PFKFB3: variants seen among roughly 807,000 people sequenced by gnomAD.
PFKFB3 encodes the protein 6-phosphofructo-2-kinase/fructose-2,6-biphosphatase 3.
Under a neutral mutation model 68.0 loss-of-function variants are expected in PFKFB3, and 33 were observed. The ratio of observed to expected loss-of-function variants is 0.49; its 90% CI spans 0.37 to 0.65. The LOEUF (loss-of-function observed/expected upper bound fraction) is 0.65, where lower values mean the gene tolerates loss of function less well. PFKFB3 is among the 30% of genes least tolerant of loss of function. PFKFB3 has a pLI of 0.00. For synonymous variants in PFKFB3, 315 were observed against 288.2 expected (o/e 1.09, Z -0.94); for missense variants, 586 against 712.2 (o/e 0.82, Z 2.02).
chr10:6,173,534 T>C (rs1051892361), intron 1 of PFKFB3, among the ~76,000 whole-genome samples: 1 of 152,072 alleles, frequency 6.6e-6, no homozygotes, highest in Non-Finnish European at 1.5e-5. Context: ...CACCTATATA[T>C]GCTCACGTGA....
At chr10:6,246,615 T>A (rs1846267313) in intron 14 of PFKFB3, among the ~76,000 whole-genome samples, 2 of 152,230 alleles carry the variant, frequency 1.3e-5, no homozygotes, top group Middle Eastern at 3.4e-3. Context: ...GTGCTGAGAT[T>A]ACAGGCAAGA....
At chr10:6,193,043 C>T (rs994491365) in intron 1 of PFKFB3, among the ~76,000 whole-genome samples, 1 of 152,096 alleles carries the variant, frequency 6.6e-6, no homozygotes, top group Admixed American at 6.6e-5. Context: ...AGCCAGTACT[C>T]GCTCCTACTT....
At chr10:6,188,729 T>C (rs1472257435) in intron 1 of PFKFB3, among the ~76,000 whole-genome samples, 2 of 152,024 alleles carry the variant, frequency 1.3e-5, no homozygotes, top group African/African-American at 4.8e-5. Context: ...GTAAGTGGAA[T>C]CATACGGTGT....
chr10:6,208,371 C>CTTTTT (rs35447462), intron 1 of PFKFB3, among the ~76,000 whole-genome samples: 7,870 of 60,408 alleles, frequency 0.13, 1,275 homozygotes, highest in East Asian at 0.26. Context: ...GGTACCTGGC[C>CTTTTT]TTTTTTTTTT....
chr10:6,208,273 C>G (rs973451485), intron 1 of PFKFB3, among the ~76,000 whole-genome samples: 2 of 150,606 alleles, frequency 1.3e-5, no homozygotes, highest in African/African-American at 4.9e-5. Flanking sequence ...CGGGGTCTCT[C>G]TATGTTGCCC....
intron 1 of PFKFB3, among the ~76,000 whole-genome samples, chr10:6,162,655 A>G (rs1433432342): frequency 1.3e-5 from 2 of 152,216 alleles, no homozygotes; most frequent in Non-Finnish European, 2.9e-5. Flanking sequence ...TGCATGTGTT[A>G]GAATCCATTC....
At chr10:6,203,508 C>G (rs1843478703) in intron 1 of PFKFB3, among the ~76,000 whole-genome samples, 172 bp downstream of exon 1, 1 of 150,164 alleles carries the variant, frequency 6.7e-6, no homozygotes, top group East Asian at 2.0e-4. Flanking sequence ...GGCGGGGGCG[C>G]TGTGGCCCTT....
intron 1 of PFKFB3, among the ~76,000 whole-genome samples, chr10:6,206,822 C>G (rs1478484728): frequency 2.9e-4 from 7 of 24,000 alleles, no homozygotes; most frequent in African/African-American, 9.2e-4. Flanking sequence ...GGCAGAGACG[C>G]TCCTCACTTC....
At chr10:6,291,414 T>A in the PFKFB3 span, among the ~76,000 whole-genome samples, 56 of 152,262 alleles carry the variant, frequency 3.7e-4, no homozygotes, top group Admixed American at 7.2e-4. Context: ...TAGCTGGGCA[T>A]GGTGGTGCAT....
At chr10:6,313,912 G>A in the PFKFB3 span, among the ~76,000 whole-genome samples, 4 of 152,204 alleles carry the variant, frequency 2.6e-5, no homozygotes, top group East Asian at 1.9e-4. The surrounding 1 kb of genome is among the most constrained non-coding windows in gnomAD (Gnocchi z 4.2). Flanking sequence ...TCCCCCTGCC[G>A]CTGCCTCGCA....
the PFKFB3 span, among the ~76,000 whole-genome samples, chr10:6,264,202 C>T: frequency 2.6e-4 from 40 of 152,282 alleles, no homozygotes; most frequent in East Asian, 6.0e-3. Flanking sequence ...TGTTCCATTA[C>T]GTATTCGTCT....
chr10:6,300,372 G>C, the PFKFB3 span, among the ~76,000 whole-genome samples: 1 of 152,194 alleles, frequency 6.6e-6, no homozygotes, highest in East Asian at 1.9e-4. Flanking sequence ...ATAAATACTT[G>C]TATTTATTGA....
chr10:6,206,567 TGGCCGGG>T, intron 1 of PFKFB3, among the ~76,000 whole-genome samples: 10 of 56,748 alleles, frequency 1.8e-4, no homozygotes, highest in Admixed American at 4.5e-4. Flanking sequence ...ACGGGGCGGC[TGGCCGGG>T]CAGGGGCTGA....
chr10:6,147,957 T>C (rs17151086), intron 1 of PFKFB3, among the ~76,000 whole-genome samples: 14,289 of 152,262 alleles, frequency 0.094, 860 homozygotes, highest in African/African-American at 0.17. Context: ...TCTTAGGTGC[T>C]GGTCCTGTCC....
rs536975585 is a variant in PFKFB3, at chr10:6,150,137, T to C, written c.16+5124T>C. Among the ~76,000 whole-genome samples, 272 of 152,360 alleles carry C rather than the reference T, an allele frequency of 1.8e-3. 1 individual carries two copies. The highest frequency in any genetic ancestry group is 6.4e-3 in the African/African-American group (265 of 41,582). ...CATAGCACCTCTTGCAGGCATATCT[T>C]GTCCCATAACCAGACCGGAACACTC... On this transcript the variant is annotated intron_variant, in intron 1 of 14. Transcript: ENST00000379789.
chr10:6,204,059 C>A (rs1349312363), intron 1 of PFKFB3, among the ~76,000 whole-genome samples: 1 of 151,790 alleles, frequency 6.6e-6, no homozygotes, highest in Non-Finnish European at 1.5e-5. Context: ...GCTCCACGCG[C>A]CCCGGGCGCA....
intron 1 of PFKFB3, among the ~76,000 whole-genome samples, chr10:6,145,511 C>T (rs554980920): frequency 2.0e-5 from 3 of 152,268 alleles, no homozygotes; most frequent in East Asian, 3.9e-4. Flanking sequence ...CGGAGAGACC[C>T]GGAGGGCGGC....
chr10:6,208,693 C>T (rs1290260392), intron 1 of PFKFB3, among the ~76,000 whole-genome samples: 1 of 152,042 alleles, frequency 6.6e-6, no homozygotes, highest in African/African-American at 2.4e-5. Context: ...GGGCTGCTGC[C>T]TGTCTGTCTG....
chr10:6,221,067 A>G (rs1388602804), intron 8 of PFKFB3, among the ~76,000 whole-genome samples: 2 of 151,200 alleles, frequency 1.3e-5, no homozygotes, highest in South Asian at 2.1e-4. Flanking sequence ...GTGTGTGTCT[A>G]CGCCTATCCA....
Sources: allele counts gnomAD v4.1 joint callset (sites outside exome capture counted in the v4.1 genomes callset), GRCh38; gene constraint gnomAD v4.1.1; non-coding constraint Gnocchi (gnomAD v3.1); transcripts MANE v1.5; gene names NCBI Gene and HGNC (gene_info 2026-07-23, HGNC 2026-07-21).